DKC1: variants seen among roughly 807,000 people sequenced by gnomAD.
The protein encoded by DKC1 is H/ACA ribonucleoprotein complex subunit DKC1.
DKC1 carries 4 observed loss-of-function variants against 46.7 expected under a neutral mutation model. The observed-to-expected ratio is 0.09, with a 90% confidence interval of 0.04 to 0.20. DKC1 has a LOEUF of 0.20. Among genes scored for constraint, DKC1 ranks in the 10% least tolerant of loss-of-function variants. The pLI is 1.00. For synonymous variants in DKC1, 141 were observed against 142.4 expected (o/e 0.99, Z 0.07); for missense variants, 171 against 404.2 (o/e 0.42, Z 4.95).
intron 11 of DKC1, 35 bp downstream of exon 11, chrX:154,773,284 C>CTTTTTTTTTTTTTTTTTTT (rs782491644): frequency 5.7e-6 from 2 of 351,182 alleles, no homozygotes; most frequent in African/African-American, 4.2e-5. Flanking sequence ...CTGCCAGGTT[C>CTTTTTTTTTTTTTTTTTTT]TTTTTTTTTT....
intron 11 of DKC1, among the ~76,000 whole-genome samples, chrX:154,773,930 G>T (rs1053644224): frequency 2.7e-5 from 3 of 111,060 alleles, no homozygotes; most frequent in Non-Finnish European, 3.8e-5. Context: ...CGGGCGGGGG[G>T]GCTGACCCCC....
intron 10 of DKC1, among the ~76,000 whole-genome samples, chrX:154,772,893 G>A (rs1404976593): frequency 8.9e-6 from 1 of 111,842 alleles, no homozygotes; most frequent in African/African-American, 3.3e-5. Flanking sequence ...TATGTGTATC[G>A]TTAGGTGCTT....
chrX:154,771,694 C>A (rs1321161532), intron 10 of DKC1, among the ~76,000 whole-genome samples: 1 of 111,642 alleles, frequency 9.0e-6, no homozygotes, highest in Non-Finnish European at 1.9e-5. Context: ...TCAGTTCCAT[C>A]CATGTTGTTG....
chrX:154,767,049 C>T lies in DKC1; in HGVS notation c.501C>T (p.Thr167=), dbSNP rs2071754862. 8.3e-7 allele frequency: 1 copy of T among 1,210,527 alleles called. No individual in the cohort carries two copies. Among genetic ancestry groups the T allele is most frequent in the Non-Finnish European group, 1.1e-6 (1 of 894,609 alleles). ...TGCACAATGCTATTGAAGGGGGGAC[C>T]CAGCTTTCTAGGGTAAGTCTGCAAT... ...VRLHNAIEGG[T]QLSRALETLT... is the part of the protein sequence containing the mutation. The change falls in exon 6 of 15, where the codon ACC becomes ACT. Residue 167 remains threonine, a synonymous_variant. Coordinates refer to ENST00000369550, the MANE Select transcript of DKC1 (RefSeq NM_001363.5).
rs782080949 is a variant in DKC1, at chrX:154,762,944, C to G, written c.-22C>G. ...GTTCCCTCGGCTGTGGACCGGGCGG[C>G]ACGCACGCGGTGCAGGGTAACATGG... On this transcript the variant is annotated 5_prime_UTR_variant, in exon 1 of 15. Transcript: ENST00000369550. 1.5e-5 allele frequency: 18 copies of G among 1,178,174 alleles called. No individual in the cohort carries two copies. The East Asian group carries it at 5.3e-4, about 35-fold the overall frequency.
chrX:154,770,642 T>G (rs1190687536), intron 9 of DKC1, 117 bp from the exon 10 acceptor site: 1 of 997,888 alleles, frequency 1.0e-6, no homozygotes, highest in African/African-American at 1.9e-5. Flanking sequence ...GGGCTATAAG[T>G]GTCATCCCTG....
intron 11 of DKC1, among the ~76,000 whole-genome samples, chrX:154,774,321 A>G (rs1437688601): frequency 9.1e-6 from 1 of 110,393 alleles, no homozygotes; most frequent in Non-Finnish European, 1.9e-5. Flanking sequence ...GGGAGGGGAG[A>G]GTTCAGGGCA....
intron 1 of DKC1, among the ~76,000 whole-genome samples, chrX:154,764,232 T>C (rs868991711): frequency 4.5e-4 from 49 of 108,152 alleles, no homozygotes; most frequent in African/African-American, 1.6e-3. Flanking sequence ...ATTATATGTA[T>C]GTATATTATA....
intron 10 of DKC1, among the ~76,000 whole-genome samples, chrX:154,771,187 GTT>G (rs35962335): frequency 5.1e-4 from 33 of 64,476 alleles, no homozygotes; most frequent in East Asian, 1.9e-3. Context: ...TGGTGGTGGT[GTT>G]TTTTTTTTTT....
intron 14 of DKC1, 94 bp from the exon 15 acceptor site, chrX:154,776,705 G>T: frequency 2.2e-6 from 2 of 906,649 alleles, no homozygotes; most frequent in South Asian, 4.0e-5. Flanking sequence ...AAAAAGGCTT[G>T]CTTGACTGTG....
chrX:154,776,365 C>A (rs1557265712), intron 14 of DKC1, 41 bp downstream of exon 14: 1 of 1,163,763 alleles, frequency 8.6e-7, no homozygotes, highest in African/African-American at 1.8e-5. Context: ...CTGGCTTAGT[C>A]CCTGCGTGGG....
intron 1 of DKC1, among the ~76,000 whole-genome samples, chrX:154,764,172 T>C (rs926282030): frequency 3.7e-5 from 4 of 107,098 alleles, no homozygotes; most frequent in South Asian, 3.9e-4. Context: ...AAAAAAATTA[T>C]ATATATATAT....
chrX:154,763,734 C>T (rs1028387490), intron 1 of DKC1, among the ~76,000 whole-genome samples: 2 of 112,294 alleles, frequency 1.8e-5, no homozygotes, highest in East Asian at 2.8e-4. Flanking sequence ...CTACTACACA[C>T]CTAGGCTGTA....
At chrX:154,775,400 A>G in intron 13 of DKC1, 127 bp downstream of exon 13, 2 of 664,805 alleles carry the variant, frequency 3.0e-6, no homozygotes, top group Non-Finnish European at 4.9e-6. Context: ...GGTGCAGCGC[A>G]TACACAGGTA....
At chrX:154,770,488 AAG>A (rs1491074701) in intron 9 of DKC1, among the ~76,000 whole-genome samples, 2 of 108,148 alleles carry the variant, frequency 1.8e-5, no homozygotes, top group East Asian at 2.9e-4. Flanking sequence ...AAAAAAAAAA[AAG>A]AAAATACTTG....
In DKC1 at chrX:154,775,416, G is replaced by T. The variant is rs1490473341; in HGVS notation, c.1338+143G>T. 7 of 596,750 alleles carry T rather than the reference G, an allele frequency of 1.2e-5. No homozygotes were observed. The East Asian group carries it at 2.5e-4, about 21-fold the overall frequency. The allele number at this position is 596,750 out of a possible 1,213,427, so 49.2% of individuals were successfully genotyped here. Reference sequence around the variant, plus strand: ...GTGCAGCGCATACACAGGTAATGCTGCCTCATACCCTGGGGTGCTTGTTTG... The same window carrying T: ...GTGCAGCGCATACACAGGTAATGCTTCCTCATACCCTGGGGTGCTTGTTTG... On this transcript the variant is annotated intron_variant, in intron 13 of 14. Transcript: ENST00000369550.
chrX:154,765,855 A>C, intron 3 of DKC1, 52 bp from the exon 4 acceptor site: 2 of 975,229 alleles, frequency 2.1e-6, no homozygotes, highest in Non-Finnish European at 2.9e-6. Context: ...CTCTTTTTTT[A>C]CATGTGCTCA....
chrX:154,765,310 T>C, intron 2 of DKC1, 134 bp from the exon 3 acceptor site: 1 of 593,291 alleles, frequency 1.7e-6, no homozygotes, highest in Non-Finnish European at 3.0e-6. Context: ...TCTCTCTCTT[T>C]CCCTTGGAGG....
Position 154,772,318 on chromosome X carries a change from T to G in DKC1, c.1037-813T>G, listed in dbSNP as rs939580010. Among the ~76,000 whole-genome samples, 7 of 112,389 alleles carry G rather than the reference T, an allele frequency of 6.2e-5. No individual in the cohort carries two copies. In the Admixed American group the frequency reaches 6.6e-4, roughly 11 times the overall value. ...TCTTATGCATATGGATATCTAGTTT[T>G]CCCAGCACCATTTATTGAAGAGACT... On this transcript the variant is annotated intron_variant, in intron 10 of 14. Coordinates refer to ENST00000369550, the MANE Select transcript of DKC1 (RefSeq NM_001363.5).
Sources: gnomAD v4.1 joint callset for allele counts (sites outside exome capture counted in the v4.1 genomes callset) on GRCh38, gnomAD v4.1.1 for gene constraint, MANE v1.5 for transcripts, NCBI Gene and HGNC (gene_info 2026-07-23, HGNC 2026-07-21) for gene names.